Variants in ADAMTS12 observed in about 807,000 individuals in gnomAD.
The protein encoded by ADAMTS12 is A disintegrin and metalloproteinase with thrombospondin motifs 12.
ADAMTS12 carries 118 observed loss-of-function variants against 167.8 expected under a neutral mutation model. The observed-to-expected ratio is 0.70, with a 90% confidence interval of 0.61 to 0.82. The LOEUF (loss-of-function observed/expected upper bound fraction) is 0.82, where lower values mean the gene tolerates loss of function less well. ADAMTS12 is among the 40% of genes least tolerant of loss of function. ADAMTS12 has a pLI of 0.00. For missense variants in ADAMTS12, 1,916 were observed against 1,998.8 expected (o/e 0.96, Z 0.79); for synonymous variants, 704 against 716.9 (o/e 0.98, Z 0.29).
chr5:33,859,475 C>A (rs1702349692), intron 2 of ADAMTS12, among the ~76,000 whole-genome samples: 1 of 152,236 alleles, frequency 6.6e-6, no homozygotes, highest in African/African-American at 2.4e-5. Flanking sequence ...CCTCTCTAAG[C>A]AGGGCATCTC....
At chr5:33,714,275 A>C (rs1321515246) in intron 3 of ADAMTS12, among the ~76,000 whole-genome samples, 2 of 152,038 alleles carry the variant, frequency 1.3e-5, no homozygotes, top group African/African-American at 4.8e-5. Context: ...CACACACACA[A>C]AATGCTGGCA....
chr5:33,751,387 C>T lies in ADAMTS12; in HGVS notation c.634+17G>A. On this transcript the variant is annotated intron_variant, in intron 3 of 23. Coordinates refer to ENST00000504830, the MANE Select transcript of ADAMTS12 (RefSeq NM_030955.4). ...AAACAGATTCTTCAACCCAGGAGGA[C>T]ATGTGAGTCACAATACCCTTTAATC... 1 of 1,614,102 alleles carries T rather than the reference C, an allele frequency of 6.2e-7. No homozygotes were observed. Among genetic ancestry groups the T allele is most frequent in the Non-Finnish European group, 8.5e-7 (1 of 1,179,998 alleles).
chr5:33,826,587 T>TA (rs1491321573), intron 2 of ADAMTS12, among the ~76,000 whole-genome samples: 2 of 9,948 alleles, frequency 2.0e-4, no homozygotes, highest in African/African-American at 6.6e-4. Context: ...TGTGTGTGTG[T>TA]ATATATATAT....
Position 33,887,539 on chromosome 5 carries a change from C to T in ADAMTS12, c.127+4191G>A, listed in dbSNP as rs530134554. Among the ~76,000 whole-genome samples the T allele has an allele frequency of 3.9e-5, 6 of 152,236 alleles. 1 individual carries two copies. Among genetic ancestry groups the T allele is most frequent in the African/African-American group, 1.4e-4 (6 of 41,554 alleles). Reference sequence around the variant, plus strand: ...GGGTTTGTAGAAATATTATAAGCTCCAAATACTTTGATTTGCCTTGTTTAA... The same window carrying T: ...GGGTTTGTAGAAATATTATAAGCTCTAAATACTTTGATTTGCCTTGTTTAA... On this transcript the variant is annotated intron_variant, in intron 1 of 23. Transcript: ENST00000504830.
At chr5:33,890,205 T>A (rs1217432782) in intron 1 of ADAMTS12, among the ~76,000 whole-genome samples, 1 of 152,168 alleles carries the variant, frequency 6.6e-6, no homozygotes, top group Non-Finnish European at 1.5e-5. Context: ...CCCAGGAGAA[T>A]GTGTGTCTTT....
chr5:33,888,234 A>C lies in ADAMTS12; in HGVS notation c.127+3496T>G, dbSNP rs371622579. The C allele has an allele frequency of 6.6e-5, 10 of 152,230 alleles. No individual in the cohort carries two copies. In the East Asian group the frequency reaches 1.3e-3, roughly 20 times the overall value. The allele number at this position is 152,230 out of a possible 1,614,324, so 9.4% of individuals were successfully genotyped here. ...AATTTCTCAGATCCCTTTCTAAAAA[A>C]CAAGATTATGAAATTCCTGTAATAG... On this transcript the variant is annotated intron_variant, in intron 1 of 23. Coordinates refer to ENST00000504830, the MANE Select transcript of ADAMTS12 (RefSeq NM_030955.4).
At chr5:33,684,164 T>C in intron 3 of ADAMTS12, 109 bp from the exon 4 acceptor site, 1 of 848,114 alleles carries the variant, frequency 1.2e-6, no homozygotes. Flanking sequence ...TTTAATAATA[T>C]AAACGCAATG....
intron 1 of ADAMTS12, among the ~76,000 whole-genome samples, chr5:33,890,408 G>A (rs1170004974): frequency 6.6e-6 from 1 of 152,196 alleles, no homozygotes; most frequent in African/African-American, 2.4e-5. Flanking sequence ...TAACCCCAGT[G>A]TTTGCTGGCT....
chr5:33,890,898 T>C (rs2111816661), intron 1 of ADAMTS12, among the ~76,000 whole-genome samples: 1 of 152,264 alleles, frequency 6.6e-6, no homozygotes, highest in African/African-American at 2.4e-5. Flanking sequence ...GGAAGGCTAT[T>C]GCCAGTGATC....
intron 2 of ADAMTS12, among the ~76,000 whole-genome samples, chr5:33,837,286 C>T (rs547223189): frequency 6.6e-6 from 1 of 152,218 alleles, no homozygotes; most frequent in Non-Finnish European, 1.5e-5. Context: ...ACTTATGCAC[C>T]AACATAATAC....
chr5:33,887,294 G>A (rs1750669749), intron 1 of ADAMTS12, among the ~76,000 whole-genome samples: 2 of 151,976 alleles, frequency 1.3e-5, no homozygotes, highest in Non-Finnish European at 2.9e-5. Context: ...TCCCTCATCT[G>A]GGACTATACT....
intron 16 of ADAMTS12, among the ~76,000 whole-genome samples, chr5:33,610,449 G>C (rs1694685293): frequency 6.6e-6 from 1 of 152,238 alleles, no homozygotes; most frequent in Non-Finnish European, 1.5e-5. Context: ...ACTACCTCGA[G>C]CAGGTAGTAG....
intron 7 of ADAMTS12, among the ~76,000 whole-genome samples, 192 bp downstream of exon 7, chr5:33,657,992 C>A (rs558092660): frequency 1.3e-5 from 2 of 152,138 alleles, no homozygotes; most frequent in East Asian, 3.9e-4. Context: ...GCAGTGGAGA[C>A]AATGGAGCCC....
intron 7 of ADAMTS12, among the ~76,000 whole-genome samples, chr5:33,653,836 G>A (rs531982772): frequency 6.6e-6 from 1 of 152,088 alleles, no homozygotes; most frequent in Non-Finnish European, 1.5e-5. Flanking sequence ...AAATATGTGG[G>A]TTTATGTCTC....
At chr5:33,575,223 G>A (rs193203287) in intron 19 of ADAMTS12, among the ~76,000 whole-genome samples, 12 of 152,198 alleles carry the variant, frequency 7.9e-5, no homozygotes, top group Admixed American at 5.9e-4. Context: ...CTGATATGGC[G>A]AGCTATACAA....
chr5:33,536,321 C>T (rs986846638), intron 22 of ADAMTS12, among the ~76,000 whole-genome samples: 2 of 151,922 alleles, frequency 1.3e-5, no homozygotes, highest in Admixed American at 6.6e-5. Flanking sequence ...CTGGCACACT[C>T]GCTAAGTCAA....
intron 2 of ADAMTS12, among the ~76,000 whole-genome samples, chr5:33,832,622 G>A (rs1327905305): frequency 6.6e-6 from 1 of 152,182 alleles, no homozygotes; most frequent in Non-Finnish European, 1.5e-5. Flanking sequence ...CAATGCGCAT[G>A]CTCAGAGAGA....
intron 3 of ADAMTS12, among the ~76,000 whole-genome samples, chr5:33,746,920 A>T (rs542323548): frequency 1.3e-5 from 2 of 152,310 alleles, no homozygotes; most frequent in Non-Finnish European, 2.9e-5. Context: ...TGTGCCCAAG[A>T]GTTCTAACCT....
chr5:33,655,407 G>A (rs959387047), intron 7 of ADAMTS12, among the ~76,000 whole-genome samples: 1 of 152,076 alleles, frequency 6.6e-6, no homozygotes, highest in African/African-American at 2.4e-5. Flanking sequence ...GTTGGGTAGG[G>A]TAACTCTGAA....
Sources: gnomAD v4.1 joint callset for allele counts (sites outside exome capture counted in the v4.1 genomes callset) on GRCh38, gnomAD v4.1.1 for gene constraint, MANE v1.5 for transcripts, NCBI Gene and HGNC (gene_info 2026-07-23, HGNC 2026-07-21) for gene names.